Variants in SFMBT2 observed in about 807,000 individuals in gnomAD.
The protein encoded by SFMBT2 is Scm like with four mbt domains 2.
SFMBT2 carries 38 observed loss-of-function variants against 110.1 expected under a neutral mutation model. That is an observed-to-expected ratio of 0.35 (90% CI 0.27 to 0.45). The LOEUF (loss-of-function observed/expected upper bound fraction) is 0.45. Among genes scored for constraint, SFMBT2 ranks in the 20% least tolerant of loss-of-function variants. The pLI, the probability that SFMBT2 is intolerant of heterozygous loss-of-function variation, is 1.00. For synonymous variants in SFMBT2, 425 were observed against 425.4 expected (o/e 1.00, Z 0.01); for missense variants, 1,011 against 1,094.9 (o/e 0.92, Z 1.08).
chr10:7,196,146 G>C (rs1478661065), intron 15 of SFMBT2, among the ~76,000 whole-genome samples: 1 of 151,820 alleles, frequency 6.6e-6, no homozygotes, highest in Non-Finnish European at 1.5e-5. Flanking sequence ...GCATCCCTCT[G>C]AGGGTGCCCT....
intron 4 of SFMBT2, among the ~76,000 whole-genome samples, chr10:7,299,032 G>A (rs961619417): frequency 5.9e-5 from 9 of 152,106 alleles, no homozygotes; most frequent in African/African-American, 1.4e-4. Flanking sequence ...CCAACATGGC[G>A]AAACCCCATC....
chr10:7,187,267 G>A (rs1233224436), intron 16 of SFMBT2, among the ~76,000 whole-genome samples: 1 of 152,110 alleles, frequency 6.6e-6, no homozygotes, highest in Non-Finnish European at 1.5e-5. Flanking sequence ...AAATAAGAAG[G>A]ATTTCTCCAT....
At chr10:7,197,512 T>C in intron 15 of SFMBT2, 36 bp downstream of exon 15, 1 of 1,597,474 alleles carries the variant, frequency 6.3e-7, no homozygotes, top group African/African-American at 1.3e-5. Context: ...AAAAATCCTG[T>C]TAAAATAAGC....
chr10:7,247,303 G>C (rs925939303), intron 8 of SFMBT2, among the ~76,000 whole-genome samples: 9 of 152,108 alleles, frequency 5.9e-5, no homozygotes, highest in African/African-American at 1.9e-4. Context: ...TTTTAGTAGA[G>C]ACGGGGTTTC....
chr10:7,407,267 G>A (rs534179848), intron 1 of SFMBT2, among the ~76,000 whole-genome samples: 2 of 150,818 alleles, frequency 1.3e-5, no homozygotes, highest in Admixed American at 1.3e-4. Flanking sequence ...GCCTCCCCAG[G>A]AAACGAGGCC....
intron 1 of SFMBT2, among the ~76,000 whole-genome samples, chr10:7,394,165 G>A (rs1247576096): frequency 6.6e-6 from 1 of 152,096 alleles, no homozygotes; most frequent in African/African-American, 2.4e-5. Context: ...GTCTGGTAGA[G>A]ACGGGGTTTC....
intron 1 of SFMBT2, among the ~76,000 whole-genome samples, chr10:7,399,943 A>G (rs118004054): frequency 0.018 from 2,766 of 152,342 alleles, 38 homozygotes; most frequent in Non-Finnish European, 0.029. Context: ...AATAGTCACC[A>G]TGGTCTGAGC....
intron 4 of SFMBT2, among the ~76,000 whole-genome samples, chr10:7,354,549 TG>T (rs1482481215): frequency 4.6e-5 from 7 of 152,114 alleles, no homozygotes; most frequent in Non-Finnish European, 7.3e-5. Context: ...ATCAGTCTCA[TG>T]GAAGAGACAG....
At chr10:7,384,133 C>G (rs935970984) in intron 1 of SFMBT2, among the ~76,000 whole-genome samples, 2 of 147,658 alleles carry the variant, frequency 1.4e-5, no homozygotes, top group Admixed American at 6.8e-5. Flanking sequence ...ATCGCTTGAA[C>G]CCGGGAGGCG....
chr10:7,216,441 G>A (rs981580914), intron 11 of SFMBT2, among the ~76,000 whole-genome samples: 5 of 152,170 alleles, frequency 3.3e-5, no homozygotes, highest in South Asian at 2.1e-4. Flanking sequence ...CATGTAAGAC[G>A]TGATTTTCAG....
chr10:7,297,426 T>C (rs150116626), intron 4 of SFMBT2, among the ~76,000 whole-genome samples: 2 of 152,282 alleles, frequency 1.3e-5, no homozygotes, highest in East Asian at 1.9e-4. Context: ...TAGGGCCTCC[T>C]GAACACTAAG....
intron 4 of SFMBT2, among the ~76,000 whole-genome samples, chr10:7,337,791 T>C (rs1843762067): frequency 6.6e-6 from 1 of 152,228 alleles, no homozygotes; most frequent in African/African-American, 2.4e-5. Context: ...AGGCCCTCTG[T>C]ACCTGCCCTG....
chr10:7,319,989 A>G (rs1419890365), intron 4 of SFMBT2, among the ~76,000 whole-genome samples: 1 of 151,898 alleles, frequency 6.6e-6, no homozygotes, highest in Non-Finnish European at 1.5e-5. Context: ...ACACAGAGAG[A>G]GAGACAGAGA....
intron 11 of SFMBT2, among the ~76,000 whole-genome samples, chr10:7,208,384 C>G (rs7920332): frequency 0.41 from 62,389 of 152,020 alleles, 13,252 homozygotes; most frequent in Middle Eastern, 0.56. Context: ...CTACAAATAA[C>G]ATTTTCAAGG....
chr10:7,309,810 G>A (rs1842799436), intron 4 of SFMBT2, among the ~76,000 whole-genome samples: 2 of 152,194 alleles, frequency 1.3e-5, no homozygotes, highest in South Asian at 2.1e-4. Flanking sequence ...GGAGGAGGAG[G>A]TGGGTGTCTG....
At chr10:7,355,596 A>T (rs941382762) in intron 4 of SFMBT2, among the ~76,000 whole-genome samples, 7 of 152,220 alleles carry the variant, frequency 4.6e-5, no homozygotes, top group Non-Finnish European at 8.8e-5. Context: ...CTGGATCACA[A>T]GATCAGGAGT....
intron 20 of SFMBT2, among the ~76,000 whole-genome samples, chr10:7,168,726 A>C (rs898672393): frequency 7.2e-5 from 11 of 152,248 alleles, no homozygotes; most frequent in Non-Finnish European, 1.5e-4. Context: ...TTTGTTTTCA[A>C]AATGGAGATG....
intron 7 of SFMBT2, among the ~76,000 whole-genome samples, chr10:7,272,920 G>A (rs1261094723): frequency 6.6e-6 from 1 of 152,232 alleles, no homozygotes. Context: ...AGCCTCCTGA[G>A]TAGCTGGGAT....
intron 4 of SFMBT2, among the ~76,000 whole-genome samples, chr10:7,323,468 AC>A (rs1843265186): frequency 2.7e-5 from 3 of 111,078 alleles, no homozygotes; most frequent in Non-Finnish European, 5.3e-5. Flanking sequence ...AAAAAAAAAA[AC>A]CAAAAAAAAA....
Sources: allele counts gnomAD v4.1 joint callset (sites outside exome capture counted in the v4.1 genomes callset), GRCh38; gene constraint gnomAD v4.1.1; transcripts MANE v1.5; gene names NCBI Gene and HGNC (gene_info 2026-07-23, HGNC 2026-07-21).